The following POLN variants were observed in gnomAD, a reference collection of about 807,000 sequenced individuals.
The protein encoded by POLN is DNA polymerase nu.
POLN carries 108 observed loss-of-function variants against 113.5 expected under a neutral mutation model. That is an observed-to-expected ratio of 0.95 (90% CI 0.81 to 1.12). The LOEUF is 1.12. POLN is among the 50% of genes most tolerant of loss of function. POLN has a pLI of 0.00. For synonymous variants in POLN, 386 were observed against 391.5 expected (o/e 0.99, Z 0.17); for missense variants, 1,097 against 1,077.1 (o/e 1.02, Z -0.26).
chr4:2,202,338 G>A (rs2108761281), intron 5 of POLN, among the ~76,000 whole-genome samples: 1 of 152,300 alleles, frequency 6.6e-6, no homozygotes, highest in East Asian at 1.9e-4. Flanking sequence ...CTTAAGGTAA[G>A]AGTGGAAAAA....
chr4:2,113,607 C>CA (rs1731249586), intron 19 of POLN, among the ~76,000 whole-genome samples: 1 of 151,144 alleles, frequency 6.6e-6, no homozygotes, highest in African/African-American at 2.4e-5. Context: ...CCTGTAATCC[C>CA]AGCACTTTGG....
intron 23 of POLN, chr4:2,080,364 G>A (rs903704440): frequency 9.8e-6 from 9 of 916,482 alleles, no homozygotes; most frequent in Admixed American, 3.0e-4. Context: ...CAGCCAGGGC[G>A]GAGCCCCCCC....
intron 5 of POLN, among the ~76,000 whole-genome samples, chr4:2,200,102 G>A (rs745840245): frequency 5.3e-5 from 8 of 152,126 alleles, no homozygotes; most frequent in Non-Finnish European, 1.2e-4. Context: ...GGCAAGACTC[G>A]CAAAATTAAT....
At chr4:2,164,362 G>GT (rs1732673899) in intron 13 of POLN, among the ~76,000 whole-genome samples, 1 of 151,672 alleles carries the variant, frequency 6.6e-6, no homozygotes, top group African/African-American at 2.4e-5. Context: ...TTAGCCAGGC[G>GT]TGGTGGTGCA....
intron 19 of POLN, among the ~76,000 whole-genome samples, chr4:2,097,253 C>T (rs558092335): frequency 2.6e-5 from 4 of 152,316 alleles, no homozygotes; most frequent in African/African-American, 7.2e-5. Context: ...TGTGCTCTGC[C>T]TCCAGAAGCA....
intron 2 of POLN, among the ~76,000 whole-genome samples, chr4:2,236,889 T>A (rs1034237743): frequency 7.4e-4 from 111 of 149,028 alleles, no homozygotes; most frequent in African/African-American, 2.6e-3. Flanking sequence ...TAATTATAAT[T>A]ATAATAATAA....
chr4:2,120,158 T>C (rs1009217984), intron 19 of POLN, among the ~76,000 whole-genome samples: 24 of 152,216 alleles, frequency 1.6e-4, no homozygotes, highest in African/African-American at 3.6e-4. Flanking sequence ...GATTACTATA[T>C]ATATAAAGTT....
intron 20 of POLN, among the ~76,000 whole-genome samples, chr4:2,091,303 G>T (rs1316763067): frequency 6.6e-6 from 1 of 152,152 alleles, no homozygotes; most frequent in Non-Finnish European, 1.5e-5. Context: ...GAGCTGTCGG[G>T]ATCTCTGAAG....
intron 6 of POLN, 126 bp from the exon 7 acceptor site, chr4:2,193,442 T>G: frequency 1.7e-6 from 1 of 593,510 alleles, no homozygotes; most frequent in Non-Finnish European, 2.9e-6. Context: ...CACTAAAGAA[T>G]TCCAAGAGGT....
chr4:2,240,470 G>A lies in POLN; in HGVS notation c.-13+1050C>T, dbSNP rs1734939186. 3.1e-6 allele frequency: 5 copies of A among 1,613,794 alleles called. No homozygotes were observed. In the East Asian group the frequency reaches 1.1e-4, roughly 36 times the overall value. On this transcript the variant is annotated intron_variant, in intron 2 of 25. Coordinates refer to ENST00000511885, the MANE Select transcript of POLN (RefSeq NM_181808.4). Reference sequence around the variant, plus strand: ...CCTGAAGTTCATTACTGATCTTAGTGATCATTGCATTTAGAATTCCTTGAC... The same window carrying A: ...CCTGAAGTTCATTACTGATCTTAGTAATCATTGCATTTAGAATTCCTTGAC...
At chr4:2,073,166 T>A in intron 24 of POLN, 137 bp from the exon 25 acceptor site, 1 of 760,518 alleles carries the variant, frequency 1.3e-6, no homozygotes, top group Non-Finnish European at 2.1e-6. Flanking sequence ...CTCGGTCACC[T>A]GAACCAGCTG....
At chr4:2,223,886 T>C (rs1482227067) in intron 3 of POLN, among the ~76,000 whole-genome samples, 2 of 152,218 alleles carry the variant, frequency 1.3e-5, no homozygotes, top group Non-Finnish European at 2.9e-5. Context: ...TGTGAAACCT[T>C]AGTGCATTAC....
At chr4:2,152,476 C>T (rs1732320513) in intron 16 of POLN, among the ~76,000 whole-genome samples, 1 of 151,060 alleles carries the variant, frequency 6.6e-6, no homozygotes, top group Admixed American at 6.6e-5. Context: ...CAATTAGCTA[C>T]CATGCTCAGC....
chr4:2,179,437 T>G lies in POLN; in HGVS notation c.1050A>C (p.Arg350Ser). Reference protein sequence around the residue: ...HVADFIGLDPRIAAWLIDPSD... With the variant: ...HVADFIGLDPSIAAWLIDPSD... ...TAGGATCTATAAGCCATGCAGCAAT[T>G]CTGGGATCTAGCCCTATAAAATCAG... is the stretch of plus-strand genomic sequence containing the variant. Residue 350 changes from arginine (R) to serine (S), a missense_variant, in exon 8 of 26, where the codon AGA (arginine) becomes AGC (serine). By Grantham distance (110) the Arg-to-Ser change is moderately radical. Coordinates refer to ENST00000511885, the MANE Select transcript of POLN (RefSeq NM_181808.4). The G allele has an allele frequency of 6.2e-7, 1 of 1,614,042 alleles. No homozygotes were observed. Among genetic ancestry groups the G allele is most frequent in the Non-Finnish European group, 8.5e-7 (1 of 1,179,932 alleles).
chr4:2,118,341 G>T (rs1412953648), intron 19 of POLN, among the ~76,000 whole-genome samples: 3 of 152,090 alleles, frequency 2.0e-5, no homozygotes, highest in Admixed American at 6.5e-5. Flanking sequence ...TTACTGGCTG[G>T]ACATGAGAAT....
At chr4:2,194,475 G>C (rs933871050) in intron 6 of POLN, among the ~76,000 whole-genome samples, 1 of 152,116 alleles carries the variant, frequency 6.6e-6, no homozygotes, top group Non-Finnish European at 1.5e-5. Flanking sequence ...ATGGTAGGGA[G>C]GGTAAAGCGC....
In POLN at chr4:2,190,460, A is replaced by T. The variant is rs1052060891; in HGVS notation, c.1021+2744T>A. 5.4e-5 allele frequency among the ~76,000 whole-genome samples: 8 copies of T among 147,264 alleles called. No individual in the cohort carries two copies. The East Asian group carries it at 1.6e-3, about 29-fold the overall frequency. On this transcript the variant is annotated intron_variant, in intron 7 of 25. Coordinates refer to ENST00000511885, the MANE Select transcript of POLN (RefSeq NM_181808.4). Reference sequence around the variant, plus strand: ...AAACATTGGGAAAATGCTCCAGTGCATTTGTCTGGGCAATGATTTTTTTTT... The same window carrying T: ...AAACATTGGGAAAATGCTCCAGTGCTTTTGTCTGGGCAATGATTTTTTTTT...
At chr4:2,160,204 C>CT (rs1446879694) in intron 13 of POLN, among the ~76,000 whole-genome samples, 1 of 152,224 alleles carries the variant, frequency 6.6e-6, no homozygotes, top group East Asian at 1.9e-4. Context: ...TCCCCAGTGA[C>CT]TAACGCTGTT....
intron 16 of POLN, among the ~76,000 whole-genome samples, chr4:2,137,264 A>T (rs974917561): frequency 1.3e-5 from 2 of 152,248 alleles, no homozygotes; most frequent in Admixed American, 1.3e-4. Context: ...ACATCTATTG[A>T]CTGAGCTGAG....
Sources: allele counts gnomAD v4.1 joint callset (sites outside exome capture counted in the v4.1 genomes callset), GRCh38; gene constraint gnomAD v4.1.1; transcripts MANE v1.5; gene names NCBI Gene and HGNC (gene_info 2026-07-23, HGNC 2026-07-21).